Variants in APLN observed in about 807,000 individuals in gnomAD.
APLN encodes the protein apelin, also known as AGTRL1 ligand.
APLN carries 2 observed loss-of-function variants against 4.3 expected under a neutral mutation model. The observed-to-expected ratio is 0.46, with a 90% confidence interval of 0.19 to 1.45. The LOEUF is 1.45. Ranked by LOEUF, APLN falls within the 40% of genes most tolerant of loss-of-function variation. The probability of loss-of-function intolerance (pLI) is 0.25; values close to 1 mark genes in which losing one functional copy is unlikely to be tolerated. For synonymous variants in APLN, 34 were observed against 30.4 expected (o/e 1.12, Z -0.38); for missense variants, 80 against 70.0 (o/e 1.14, Z -0.51).
In APLN at chrX:129,646,434, G is replaced by A. The variant is rs911241973; in HGVS notation, c.*1489C>T. The A allele has an allele frequency of 1.8e-5, 2 of 112,605 alleles. No homozygotes were observed. The highest frequency in any genetic ancestry group is 9.3e-5 in the Admixed American group (1 of 10,716). 9.3% of individuals were successfully genotyped at this position (112,605 alleles called of 1,213,427 possible). A position where few individuals can be genotyped will look rare whatever the true frequency, so the allele number is the denominator to read the frequency against. On this transcript the variant is annotated 3_prime_UTR_variant, in exon 3 of 3. Coordinates refer to ENST00000429967, the MANE Select transcript of APLN (RefSeq NM_017413.5). ...GGAATGGCTGGTGATGGCCCCTCAC[G>A]GAAGCTAGGGCCTCCCGGGGAGAGG...
intron 1 of APLN, among the ~76,000 whole-genome samples, chrX:129,651,602 G>C (rs2037441961): frequency 8.9e-6 from 1 of 112,287 alleles, no homozygotes; most frequent in Non-Finnish European, 1.9e-5. Flanking sequence ...ATTGCCTGCT[G>C]AAGTGCCATC....
At position 129,647,574 on chromosome X, in the gene APLN, A is replaced by C; in HGVS notation, c.*349T>G. The C allele has an allele frequency of 2.1e-6, 2 of 955,487 alleles. No homozygotes were observed. The highest frequency in any genetic ancestry group is 2.7e-6 in the Non-Finnish European group (2 of 739,152). 78.7% of individuals were successfully genotyped at this position (955,487 alleles called of 1,213,427 possible). A position where few individuals can be genotyped will look rare whatever the true frequency, so the allele number is the denominator to read the frequency against. On this transcript the variant is annotated 3_prime_UTR_variant, in exon 3 of 3. Coordinates refer to ENST00000429967, the MANE Select transcript of APLN (RefSeq NM_017413.5). Reference sequence around the variant, plus strand: ...GCGCTCAGGGCAGACATGAGGAAGGAAGGCCCAAATGAAGGTTTGGGGCGT... The same window carrying C: ...GCGCTCAGGGCAGACATGAGGAAGGCAGGCCCAAATGAAGGTTTGGGGCGT...
At chrX:129,649,150 AC>A (rs1936962163) in intron 1 of APLN, among the ~76,000 whole-genome samples, 1 of 111,113 alleles carries the variant, frequency 9.0e-6, no homozygotes, top group Non-Finnish European at 1.9e-5. Context: ...TCACCACGGC[AC>A]CCCTGCAACT....
chrX:129,654,584 G>A lies in APLN; in HGVS notation c.47C>T (p.Ser16Phe), dbSNP rs757960178. The change falls in exon 1 of 3, where the codon TCC becomes TTC. Residue 16 changes from serine (S) to phenylalanine (F), a missense_variant. Transcript: ENST00000429967. Reference protein sequence around the residue: ...CVQALLLLWLSLTAVCGGSLM... With the variant: ...CVQALLLLWLFLTAVCGGSLM... ...CTCACCTCCACACACCGCGGTCAAG[G>A]AGAGCCAGAGCAGCAGGAGCGCCTG... 2 of 1,155,674 alleles carry A rather than the reference G, an allele frequency of 1.7e-6. No homozygotes were observed. The highest frequency in any genetic ancestry group is 3.6e-5 in the African/African-American group (2 of 55,001).
In APLN at chrX:129,646,199, A is replaced by AAGC. The variant is rs70961724; in HGVS notation, c.*1721_*1723dup. ...GTCCCCACTCCAAGCATGAGCCTTT[A>AAGC]AGCAGCAGCAGCAGCAGCAGCAGCG... On this transcript the variant is annotated 3_prime_UTR_variant, in exon 3 of 3. Transcript: ENST00000429967. The AAGC allele has an allele frequency of 0.25, 30,143 of 121,750 alleles. 5,448 individuals are homozygous for AAGC. Among genetic ancestry groups the AAGC allele is most frequent in the East Asian group, 0.65 (2,446 of 3,760 alleles). 10.0% of individuals were successfully genotyped at this position (121,750 alleles called of 1,213,427 possible). A position where few individuals can be genotyped will look rare whatever the true frequency, so the allele number is the denominator to read the frequency against.
chrX:129,648,205 T>C (rs1936953565), intron 2 of APLN, among the ~76,000 whole-genome samples: 1 of 111,632 alleles, frequency 9.0e-6, no homozygotes, highest in Admixed American at 9.4e-5. Flanking sequence ...TGTCCTCTTG[T>C]TCTCTGCCTG....
chrX:129,654,752 C>T lies in APLN; in HGVS notation c.-122G>A. ...GTGCGGGCGCAGAGCTCGGGAGGCT[C>T]CCCGGCCGCTGAGTGTGCGCGCTGA... On this transcript the variant is annotated 5_prime_UTR_variant, in exon 1 of 3. Transcript: ENST00000429967. The T allele has an allele frequency of 2.5e-6, 1 of 407,188 alleles. No homozygotes were observed. Among genetic ancestry groups the T allele is most frequent in the Non-Finnish European group, 3.5e-6 (1 of 283,600 alleles). The allele number at this position is 407,188 out of a possible 1,213,427, so 33.6% of individuals were successfully genotyped here.
At chrX:129,654,526 C>T in intron 1 of APLN, 38 bp downstream of exon 1, 1 of 1,133,074 alleles carries the variant, frequency 8.8e-7, no homozygotes, top group South Asian at 2.0e-5. Context: ...AGGAGCACGC[C>T]GGCTGCAGCC....
At chrX:129,654,357 T>A (rs1936995282) in intron 1 of APLN, among the ~76,000 whole-genome samples, 1 of 112,888 alleles carries the variant, frequency 8.9e-6, no homozygotes, top group African/African-American at 3.2e-5. Flanking sequence ...AAAGGCCGAG[T>A]TGAGCCCCGC....
rs1012834622 is a variant in APLN, at chrX:129,645,473, A to G, written c.*2450T>C. 5.3e-5 allele frequency: 6 copies of G among 112,737 alleles called. No homozygotes were observed. The highest frequency in any genetic ancestry group is 1.1e-4 in the Non-Finnish European group (6 of 53,396). 9.3% of individuals were successfully genotyped at this position (112,737 alleles called of 1,213,427 possible). On this transcript the variant is annotated 3_prime_UTR_variant, in exon 3 of 3. Transcript: ENST00000429967. ...AAGACACCCACCAAGGATACAAAAC[A>G]ATTTTTAGTAGCGATCCTGCATTTA...
intron 1 of APLN, among the ~76,000 whole-genome samples, chrX:129,650,786 C>A (rs1936974070): frequency 8.9e-6 from 1 of 111,849 alleles, no homozygotes; most frequent in South Asian, 3.7e-4. Flanking sequence ...CTAAGCTCCC[C>A]ACTGCAGCTG....
rs1285374746 is a variant in APLN, at chrX:129,645,432, G to GT, written c.*2490dup. 1 of 112,477 alleles carries GT rather than the reference G, an allele frequency of 8.9e-6. No individual in the cohort carries two copies. The highest frequency in any genetic ancestry group is 1.9e-5 in the Non-Finnish European group (1 of 53,357). The allele number at this position is 112,477 out of a possible 1,213,427, so 9.3% of individuals were successfully genotyped here. A position where few individuals can be genotyped will look rare whatever the true frequency, so the allele number is the denominator to read the frequency against. On this transcript the variant is annotated 3_prime_UTR_variant, in exon 3 of 3. Transcript: ENST00000429967. ...TAAAAAGTCCTGAAAGTGTTCAAAA[G>GT]TAGATAAAATAGCAGAAGACACCCA...
chrX:129,652,622 C>G (rs1263520087), intron 1 of APLN, among the ~76,000 whole-genome samples: 1 of 112,467 alleles, frequency 8.9e-6, no homozygotes, highest in African/African-American at 3.2e-5. Context: ...GAGGCTTGAG[C>G]AAAATGTGAG....
chrX:129,650,087 A>T (rs1022662036), intron 1 of APLN, among the ~76,000 whole-genome samples: 8 of 110,683 alleles, frequency 7.2e-5, no homozygotes, highest in African/African-American at 2.6e-4. Flanking sequence ...GAGATAATGA[A>T]TAACAGTCTC....
At chrX:129,649,414 G>A (rs1602851564) in intron 1 of APLN, among the ~76,000 whole-genome samples, 1 of 111,526 alleles carries the variant, frequency 9.0e-6, no homozygotes, top group South Asian at 3.8e-4. Context: ...GTGTCTCATC[G>A]GTGGTTAGGC....
chrX:129,649,948 C>T (rs1936968789), intron 1 of APLN, among the ~76,000 whole-genome samples: 1 of 111,450 alleles, frequency 9.0e-6, no homozygotes, highest in African/African-American at 3.3e-5. Context: ...AGCTGCCACC[C>T]CCAAGACAAG....
At position 129,648,559 on chromosome X, in the gene APLN, G is replaced by A. The variant is rs5977126; in HGVS notation, c.*5+62C>T. ...CCAGTGATGAGCGGCAGGATCACCC[G>A]GCTTCTAGGCTGTCCTTCTCCCTCC... is the stretch of plus-strand genomic sequence containing the variant. On this transcript the variant is annotated intron_variant, in intron 2 of 2. Transcript: ENST00000429967. 0.057 allele frequency: 64,249 copies of A among 1,128,868 alleles called. 4,865 individuals carry two copies. Among genetic ancestry groups the A allele is most frequent in the East Asian group, 0.44 (13,544 of 30,914 alleles). The allele number at this position is 1,128,868 out of a possible 1,213,427, so 93.0% of individuals were successfully genotyped here. A position where few individuals can be genotyped will look rare whatever the true frequency, so the allele number is the denominator to read the frequency against.
intron 2 of APLN, 151 bp downstream of exon 2, chrX:129,648,470 G>T: frequency 3.0e-6 from 2 of 656,356 alleles, no homozygotes; most frequent in African/African-American, 2.2e-5. Flanking sequence ...TGCCCCATAA[G>T]CTCTCTTGCC....
At chrX:129,650,065 C>G (rs1210402621) in intron 1 of APLN, among the ~76,000 whole-genome samples, 1 of 110,951 alleles carries the variant, frequency 9.0e-6, no homozygotes, top group Non-Finnish European at 1.9e-5. Flanking sequence ...GCAGATACAG[C>G]ATCTGAGGCC....
Sources: allele counts gnomAD v4.1 joint callset (sites outside exome capture counted in the v4.1 genomes callset), GRCh38; gene constraint gnomAD v4.1.1; transcripts MANE v1.5; gene names NCBI Gene and HGNC (gene_info 2026-07-23, HGNC 2026-07-21).